AGL: variants seen among roughly 807,000 people sequenced by gnomAD.
AGL encodes the protein amylo-alpha-1,6-glucosidase and 4-alpha-glucanotransferase, also known as glycogen debranching enzyme.
AGL carries 128 observed loss-of-function variants against 199.3 expected under a neutral mutation model. The observed-to-expected ratio is 0.64, with a 90% confidence interval of 0.56 to 0.74. The LOEUF (loss-of-function observed/expected upper bound fraction) is 0.74, where lower values mean the gene tolerates loss of function less well. Ranked by LOEUF, AGL falls within the 30% of genes least tolerant of loss-of-function variation. The pLI is 0.00. For missense variants in AGL, 1,809 were observed against 1,820.8 expected (o/e 0.99, Z 0.12); for synonymous variants, 584 against 594.7 (o/e 0.98, Z 0.26).
chr1:99,915,547 A>C, intron 31 of AGL, 61 bp downstream of exon 31: 1 of 1,340,776 alleles, frequency 7.5e-7, no homozygotes, highest in Non-Finnish European at 1.0e-6. Context: ...ATTGACATCA[A>C]CCATAATTTT....
rs373804474 is a variant in AGL at position 99,870,489 on chromosome 1, A to G, written c.754A>G (p.Arg252Gly). The G allele has an allele frequency of 8.1e-6, 13 of 1,613,968 alleles. No individual in the cohort carries two copies. The highest frequency in any genetic ancestry group is 1.3e-5 in the African/African-American group (1 of 74,944). Residue 252 changes from arginine to glycine, a missense_variant, in exon 6 of 34, where the codon AGA (arginine) becomes GGA (glycine). Coordinates refer to ENST00000361915, the MANE Select transcript of AGL (RefSeq NM_000642.3). ...PHLKPAWVLD[R>G]ALWRFSCDVA... Reference sequence around the variant, plus strand: ...CTTAAAACCTGCCTGGGTCTTAGACAGAGCACTTTGGCGTTTCTCCTGTGA... The same window carrying G: ...CTTAAAACCTGCCTGGGTCTTAGACGGAGCACTTTGGCGTTTCTCCTGTGA...
chr1:99,877,635 GA>G lies in AGL; in HGVS notation c.1424-4del. The G allele has an allele frequency of 6.2e-7, 1 of 1,613,610 alleles. No homozygotes were observed. The highest frequency in any genetic ancestry group is 8.5e-7 in the Non-Finnish European group (1 of 1,179,728). Reference sequence around the variant, plus strand: ...AACCATTGAAAGCAATCTCTTTTCTGAACAGGTTCAGAAGTTTACCTAAGGA... The same window carrying G: ...AACCATTGAAAGCAATCTCTTTTCTGACAGGTTCAGAAGTTTACCTAAGGA... On this transcript the variant is annotated splice_polypyrimidine_tract_variant and splice_region_variant and intron_variant, in intron 11 of 33. Coordinates refer to ENST00000361915, the MANE Select transcript of AGL (RefSeq NM_000642.3).
At chr1:99,865,540 C>T (rs1313095054) in intron 5 of AGL, among the ~76,000 whole-genome samples, 1 of 152,192 alleles carries the variant, frequency 6.6e-6, no homozygotes, top group African/African-American at 2.4e-5. Context: ...TGGTTGCTCC[C>T]CTCACCTGTC....
chr1:99,859,537 A>C (rs1276800262), intron 2 of AGL, among the ~76,000 whole-genome samples: 1 of 122,192 alleles, frequency 8.2e-6, no homozygotes, highest in Non-Finnish European at 1.7e-5. Flanking sequence ...AAAATAGAAT[A>C]AATTAAAAGT....
intron 33 of AGL, among the ~76,000 whole-genome samples, chr1:99,919,795 G>C (rs1655391787): frequency 6.6e-6 from 1 of 152,090 alleles, no homozygotes; most frequent in African/African-American, 2.4e-5. Flanking sequence ...CCCAGCTTGG[G>C]CCTGCTACCC....
intron 24 of AGL, 127 bp downstream of exon 24, chr1:99,892,734 A>G: frequency 1.1e-6 from 1 of 883,224 alleles, no homozygotes; most frequent in South Asian, 1.5e-5. Flanking sequence ...CACTTAGTAC[A>G]TTTCATAGAT....
chr1:99,857,840 G>A (rs1318876017), intron 2 of AGL, among the ~76,000 whole-genome samples: 1 of 127,456 alleles, frequency 7.8e-6, no homozygotes, highest in East Asian at 2.8e-4. Flanking sequence ...TGGGGAGGGG[G>A]AGGGGGAGGG....
intron 9 of AGL, 22 bp from the exon 10 acceptor site, chr1:99,875,336 A>T: frequency 6.2e-7 from 1 of 1,613,692 alleles, no homozygotes; most frequent in Non-Finnish European, 8.5e-7. Flanking sequence ...GTGATGATCT[A>T]ACACAATTTA....
intron 12 of AGL, among the ~76,000 whole-genome samples, chr1:99,879,359 C>T (rs1651821072): frequency 6.7e-6 from 1 of 148,322 alleles, no homozygotes; most frequent in African/African-American, 2.5e-5. Context: ...CTCAGGCAGG[C>T]AGATCAGCTG....
chr1:99,889,180 T>A (rs1217065077), intron 21 of AGL, among the ~76,000 whole-genome samples: 1 of 152,222 alleles, frequency 6.6e-6, no homozygotes, highest in Non-Finnish European at 1.5e-5. Flanking sequence ...ACCTAATTCA[T>A]ACTAAGTAAT....
chr1:99,910,985 C>T, intron 28 of AGL, 138 bp downstream of exon 28: 1 of 852,246 alleles, frequency 1.2e-6, no homozygotes, highest in Admixed American at 2.2e-5. Context: ...CCTTCATCTC[C>T]CCATTATACA....
intron 2 of AGL, among the ~76,000 whole-genome samples, chr1:99,855,653 T>C (rs1649359744): frequency 6.6e-6 from 1 of 151,950 alleles, no homozygotes; most frequent in Non-Finnish European, 1.5e-5. Context: ...ATACAAAAAT[T>C]AGCCAGATGT....
chr1:99,876,480 G>A lies in AGL; in HGVS notation c.1306G>A (p.Glu436Lys). The A allele has an allele frequency of 6.2e-7, 1 of 1,606,452 alleles. No individual in the cohort carries two copies. The highest frequency in any genetic ancestry group is 8.5e-7 in the Non-Finnish European group (1 of 1,173,172). Residue 436 changes from glutamate (E) to lysine (K), a missense_variant, in exon 11 of 34, where the codon GAG becomes AAG. Transcript: ENST00000361915. ...VTRYFTFPFEEIDFSMEESMI... is the reference protein window; with the variant it reads ...VTRYFTFPFEKIDFSMEESMI... Reference sequence around the variant, plus strand: ...TAGGTATTTTACTTTCCCATTTGAAGAGATAGACTTCTCCATGGAAGAATC... The same window carrying A: ...TAGGTATTTTACTTTCCCATTTGAAAAGATAGACTTCTCCATGGAAGAATC...
At chr1:99,851,558 A>G (rs1648954226) in intron 2 of AGL, among the ~76,000 whole-genome samples, 1 of 152,204 alleles carries the variant, frequency 6.6e-6, no homozygotes, top group Non-Finnish European at 1.5e-5. Flanking sequence ...AGATTGCAGC[A>G]AAAAGTATAG....
At chr1:99,900,510 A>G (rs927744410) in intron 25 of AGL, 126 bp from the exon 26 acceptor site, 1 of 874,830 alleles carries the variant, frequency 1.1e-6, no homozygotes, top group East Asian at 2.5e-5. Flanking sequence ...TTCTACATGA[A>G]AATATAAAGA....
At chr1:99,901,133 G>A (rs1277954906) in intron 26 of AGL, among the ~76,000 whole-genome samples, 2 of 151,840 alleles carry the variant, frequency 1.3e-5, no homozygotes, top group African/African-American at 4.8e-5. Flanking sequence ...AAAAGAGAGA[G>A]AAGGTCCAGT....
Position 99,887,177 on chromosome 1 carries a change from G to C in AGL, c.2682-801G>C, listed in dbSNP as rs1305292340. On this transcript the variant is annotated intron_variant, in intron 20 of 33. Coordinates refer to ENST00000361915, the MANE Select transcript of AGL (RefSeq NM_000642.3). ...ATGGGAAAGAAAGATACACATTCAAGAGGATATGTGTTCACATAAAATAGC... is the reference window on the plus strand; with the variant it reads ...ATGGGAAAGAAAGATACACATTCAACAGGATATGTGTTCACATAAAATAGC... Among the ~76,000 whole-genome samples the C allele has an allele frequency of 2.0e-5, 3 of 152,166 alleles. No individual in the cohort carries two copies. In the East Asian group the frequency reaches 5.8e-4, roughly 29 times the overall value.
At chr1:99,916,001 C>A (rs1655086658) in intron 31 of AGL, among the ~76,000 whole-genome samples, 1 of 152,028 alleles carries the variant, frequency 6.6e-6, no homozygotes, top group Non-Finnish European at 1.5e-5. Context: ...ATCACCTTTC[C>A]AATCTATAAT....
intron 12 of AGL, among the ~76,000 whole-genome samples, chr1:99,878,297 A>G (rs113388853): frequency 2.6e-4 from 40 of 151,920 alleles, no homozygotes; most frequent in Non-Finnish European, 5.0e-4. Flanking sequence ...GTGAGCCGAG[A>G]TCACACCACT....
Sources: allele counts gnomAD v4.1 joint callset (sites outside exome capture counted in the v4.1 genomes callset), GRCh38; gene constraint gnomAD v4.1.1; transcripts MANE v1.5; gene names NCBI Gene and HGNC (gene_info 2026-07-23, HGNC 2026-07-21).